PARVA: variants seen among roughly 807,000 people sequenced by gnomAD.
PARVA encodes parvin alpha, also known as alpha-parvin.
Under a neutral mutation model 52.6 loss-of-function variants are expected in PARVA, and 25 were observed. The observed-to-expected ratio is 0.48, with a 90% CI of 0.35 to 0.66. The LOEUF (loss-of-function observed/expected upper bound fraction) is 0.66. Ranked by LOEUF, PARVA falls within the 30% of genes least tolerant of loss-of-function variation. The probability of loss-of-function intolerance (pLI) is 0.01; values close to 1 mark genes in which losing one functional copy is unlikely to be tolerated. For synonymous variants in PARVA, 185 were observed against 179.1 expected, an observed-to-expected ratio of 1.03 and a Z score of -0.26; for missense variants, 373 against 450.9, an observed-to-expected ratio of 0.83 and a Z score of 1.56.
chr11:12,466,007 AG>A (rs976454427), intron 1 of PARVA, among the ~76,000 whole-genome samples: 57 of 152,150 alleles, frequency 3.7e-4, no homozygotes, highest in African/African-American at 1.3e-3. Context: ...GCCAGTGTTT[AG>A]TGTTGTCAGT....
At chr11:12,476,440 C>T (rs1941015581) in intron 3 of PARVA, among the ~76,000 whole-genome samples, 1 of 151,954 alleles carries the variant, frequency 6.6e-6, no homozygotes. Context: ...TATGATTGCA[C>T]CTGTGAATAG....
chr11:12,517,281 C>A (rs574187113), intron 10 of PARVA, among the ~76,000 whole-genome samples: 1 of 150,812 alleles, frequency 6.6e-6, no homozygotes, highest in African/African-American at 2.4e-5. Context: ...CTGTGTACTC[C>A]TCCAGGGCAG....
chr11:12,455,532 G>A (rs1463300930), intron 1 of PARVA, among the ~76,000 whole-genome samples: 1 of 151,828 alleles, frequency 6.6e-6, no homozygotes, highest in African/African-American at 2.4e-5. Context: ...AAATTTTTCT[G>A]TCCTTGGCCA....
chr11:12,457,489 A>G (rs1564851876), intron 1 of PARVA, among the ~76,000 whole-genome samples: 1 of 152,216 alleles, frequency 6.6e-6, no homozygotes, highest in Non-Finnish European at 1.5e-5. Flanking sequence ...TCTCAGAACC[A>G]GCACTTGCTC....
intron 4 of PARVA, 110 bp from the exon 5 acceptor site, chr11:12,496,348 G>GTGCA (rs1030498460): frequency 9.0e-7 from 1 of 1,112,888 alleles, no homozygotes; most frequent in Non-Finnish European, 1.3e-6. Flanking sequence ...TGTTGCAAGA[G>GTGCA]TGCATGCATG....
chr11:12,497,787 G>A (rs1483333924), intron 5 of PARVA, among the ~76,000 whole-genome samples: 2 of 152,138 alleles, frequency 1.3e-5, no homozygotes, highest in Non-Finnish European at 2.9e-5. Context: ...GGGAGAACAA[G>A]GCAGGGCAGG....
intron 4 of PARVA, among the ~76,000 whole-genome samples, chr11:12,489,753 T>G (rs968511061): frequency 1.3e-5 from 2 of 152,072 alleles, no homozygotes; most frequent in African/African-American, 4.8e-5. Flanking sequence ...CAATTATTTA[T>G]AAAGGAACAA....
intron 1 of PARVA, among the ~76,000 whole-genome samples, chr11:12,390,590 A>G (rs1048525675): frequency 1.6e-4 from 24 of 152,156 alleles, no homozygotes; most frequent in African/African-American, 4.8e-4. Context: ...TGTAGTCTCT[A>G]TGTGGAATTA....
chr11:12,417,089 A>T (rs1340945619), intron 1 of PARVA, among the ~76,000 whole-genome samples: 2 of 152,218 alleles, frequency 1.3e-5, no homozygotes, highest in African/African-American at 2.4e-5. Flanking sequence ...GTCTGTCACT[A>T]TAAGGAAACT....
intron 1 of PARVA, among the ~76,000 whole-genome samples, chr11:12,409,400 C>G (rs1475935318): frequency 1.3e-5 from 2 of 152,250 alleles, no homozygotes; most frequent in South Asian, 2.1e-4. Flanking sequence ...GGTATGTTAT[C>G]TTCTATGGTA....
At chr11:12,440,547 A>G (rs1216132669) in intron 1 of PARVA, among the ~76,000 whole-genome samples, 5 of 152,246 alleles carry the variant, frequency 3.3e-5, no homozygotes, top group Non-Finnish European at 1.5e-5. Flanking sequence ...TCAGAAGTCC[A>G]GCGGGTTCAA....
At chr11:12,442,638 G>A (rs1274412329) in intron 1 of PARVA, among the ~76,000 whole-genome samples, 1 of 151,990 alleles carries the variant, frequency 6.6e-6, no homozygotes, top group Non-Finnish European at 1.5e-5. Context: ...TAAGCTCTTA[G>A]GGGTGCAGCC....
At chr11:12,416,636 A>G (rs955330922) in intron 1 of PARVA, among the ~76,000 whole-genome samples, 4 of 152,124 alleles carry the variant, frequency 2.6e-5, no homozygotes, top group Non-Finnish European at 4.4e-5. Flanking sequence ...GGAAAGAAGG[A>G]AGGAAATCAG....
intron 1 of PARVA, among the ~76,000 whole-genome samples, chr11:12,383,877 A>G (rs1480994066): frequency 6.6e-6 from 1 of 152,182 alleles, no homozygotes; most frequent in Non-Finnish European, 1.5e-5. Flanking sequence ...TCAAACCTGC[A>G]TTGTTCAAGG....
At chr11:12,408,662 A>AGTTTGTT (rs1939948657) in intron 1 of PARVA, among the ~76,000 whole-genome samples, 1 of 152,158 alleles carries the variant, frequency 6.6e-6, no homozygotes, top group Admixed American at 6.5e-5. Flanking sequence ...CTCACTTAAC[A>AGTTTGTT]AATATTTCTT....
intron 1 of PARVA, among the ~76,000 whole-genome samples, chr11:12,426,682 C>T (rs1940239403): frequency 6.6e-6 from 1 of 152,122 alleles, no homozygotes; most frequent in Non-Finnish European, 1.5e-5. Context: ...CCCAGGGTCA[C>T]ATCGTATGTT....
chr11:12,425,385 T>A (rs940857755), intron 1 of PARVA, among the ~76,000 whole-genome samples: 1 of 152,174 alleles, frequency 6.6e-6, no homozygotes, highest in Non-Finnish European at 1.5e-5. Context: ...CTCAAGGCCT[T>A]CCCTCACCCC....
At chr11:12,439,504 T>C (rs947886501) in intron 1 of PARVA, among the ~76,000 whole-genome samples, 1 of 152,232 alleles carries the variant, frequency 6.6e-6, no homozygotes. Context: ...ATGTCTAGCC[T>C]GACTCACTCA....
chr11:12,469,283 C>T (rs1374647567), intron 1 of PARVA, among the ~76,000 whole-genome samples: 2 of 152,166 alleles, frequency 1.3e-5, no homozygotes, highest in Non-Finnish European at 2.9e-5. Context: ...TCCCTGGAAA[C>T]AAAAGCCCCT....
Sources: allele counts gnomAD v4.1 joint callset (sites outside exome capture counted in the v4.1 genomes callset), GRCh38; gene constraint gnomAD v4.1.1; transcripts MANE v1.5; gene names NCBI Gene and HGNC (gene_info 2026-07-23, HGNC 2026-07-21).